YES1: variants seen among roughly 807,000 people sequenced by gnomAD.
The protein encoded by YES1 is YES proto-oncogene 1, Src family tyrosine kinase, also known as tyrosine-protein kinase Yes.
Under a neutral mutation model 70.4 loss-of-function variants are expected in YES1, and 39 were observed. The observed-to-expected ratio is 0.55, with a 90% CI of 0.43 to 0.72. The LOEUF is 0.72. YES1 is among the 30% of genes least tolerant of loss of function. The pLI is 0.00. For missense variants in YES1, 495 were observed against 644.8 expected (o/e 0.77, Z 2.52); for synonymous variants, 198 against 218.6 (o/e 0.91, Z 0.83).
At position 724,467 on chromosome 18, in the gene YES1, A is replaced by T. The variant is rs757867014; in HGVS notation, c.1589T>A (p.Phe530Tyr). The change falls in exon 12 of 12, where the codon TTC becomes TAC. Residue 530 changes from phenylalanine (F) to tyrosine (Y), a missense_variant. This residue lies in a region of YES1 where 385 missense variants were observed against 540.9 expected (regional missense o/e 0.71). Transcript: ENST00000314574. ...EYIQSFLEDYFTATEPQYQPG... is the reference protein window; with the variant it reads ...EYIQSFLEDYYTATEPQYQPG... Reference sequence around the variant, plus strand: ...CTGGTACTGTGGCTCTGTAGCAGTGAAGTAGTCTTCCAAGAAGGACTGAAT... The same window carrying T: ...CTGGTACTGTGGCTCTGTAGCAGTGTAGTAGTCTTCCAAGAAGGACTGAAT... 1 of 1,614,210 alleles carries T rather than the reference A, an allele frequency of 6.2e-7. No homozygotes were observed. The highest frequency in any genetic ancestry group is 8.5e-7 in the Non-Finnish European group (1 of 1,180,040).
chr18:745,926 A>C, intron 5 of YES1, 22 bp downstream of exon 5: 1 of 1,600,534 alleles, frequency 6.2e-7, no homozygotes, highest in Non-Finnish European at 8.5e-7. Context: ...TTATACTTAT[A>C]CTAATATAAC....
chr18:784,459 A>T (rs1478361344), intron 1 of YES1, among the ~76,000 whole-genome samples: 1 of 152,234 alleles, frequency 6.6e-6, no homozygotes, highest in African/African-American at 2.4e-5. Flanking sequence ...CTCAGTGTCT[A>T]TTAATTATTG....
At position 801,071 on chromosome 18, in the gene YES1, AGGAGGT is replaced by A. The variant is rs375013403; in HGVS notation, c.-9+11037_-9+11042del. Among the ~76,000 whole-genome samples, 191 of 152,202 alleles carry A rather than the reference AGGAGGT, an allele frequency of 1.3e-3. 1 individual carries two copies. The highest frequency in any genetic ancestry group is 4.0e-3 in the African/African-American group (165 of 41,544). ...TGAGGCAGGAGAATCGCTTGAACCA[AGGAGGT>A]GGAGGTTGCAGTGAGCTGAGATCAC... On this transcript the variant is annotated intron_variant, in intron 1 of 11. Transcript: ENST00000314574.
At chr18:807,255 A>G (rs1907144736) in intron 1 of YES1, among the ~76,000 whole-genome samples, 1 of 151,568 alleles carries the variant, frequency 6.6e-6, no homozygotes, top group Admixed American at 6.6e-5. Context: ...AATCACTTGA[A>G]CCTGGGAGGC....
intron 1 of YES1, among the ~76,000 whole-genome samples, chr18:803,936 G>T (rs1232414262): frequency 6.6e-6 from 1 of 152,154 alleles, no homozygotes; most frequent in Non-Finnish European, 1.5e-5. Flanking sequence ...AGGCCAAAAG[G>T]CTTATGTTAC....
intron 11 of YES1, among the ~76,000 whole-genome samples, chr18:729,592 TCA>T (rs1491398928): frequency 1.3e-5 from 2 of 150,766 alleles, no homozygotes; most frequent in African/African-American, 4.9e-5. Flanking sequence ...TTGGATTATC[TCA>T]GAGTCTGCTC....
chr18:806,724 G>A (rs1410411680), intron 1 of YES1, among the ~76,000 whole-genome samples: 1 of 152,226 alleles, frequency 6.6e-6, no homozygotes, highest in African/African-American at 2.4e-5. Context: ...TAAGTGTTTT[G>A]TGGGAGCACA....
At chr18:753,346 A>T (rs898589477) in intron 2 of YES1, among the ~76,000 whole-genome samples, 4 of 152,158 alleles carry the variant, frequency 2.6e-5, no homozygotes, top group Non-Finnish European at 5.9e-5. Flanking sequence ...AATACAATAT[A>T]TTGTTATTAA....
At chr18:768,165 G>C (rs1426015198) in intron 1 of YES1, among the ~76,000 whole-genome samples, 2 of 152,200 alleles carry the variant, frequency 1.3e-5, no homozygotes, top group African/African-American at 4.8e-5. Flanking sequence ...AACACACTAA[G>C]TGTGGCAATG....
rs143427877 is a variant in YES1, at chr18:748,749, C to A, written c.372-731G>T. Among the ~76,000 whole-genome samples the A allele has an allele frequency of 4.6e-5, 7 of 152,134 alleles. No individual in the cohort carries two copies. In the East Asian group the frequency reaches 1.3e-3, roughly 29 times the overall value. The stretch of plus-strand genomic sequence containing the variant: ...TCATTCTTTACTGACAAATGCTTTT[C>A]TCTTTATAGTACATAAAATTGTAAT... On this transcript the variant is annotated intron_variant, in intron 3 of 11. Transcript: ENST00000314574.
At chr18:762,130 G>C (rs1904623189) in intron 1 of YES1, among the ~76,000 whole-genome samples, 1 of 152,204 alleles carries the variant, frequency 6.6e-6, no homozygotes, top group Non-Finnish European at 1.5e-5. Flanking sequence ...AGACCAGCCT[G>C]ACCAATGTGG....
intron 2 of YES1, among the ~76,000 whole-genome samples, chr18:753,775 C>G (rs2080372802): frequency 6.6e-6 from 1 of 152,070 alleles, no homozygotes; most frequent in African/African-American, 2.4e-5. Flanking sequence ...TGTGAGCCAC[C>G]CTGCCCGGCT....
chr18:791,455 C>G (rs1440488721), intron 1 of YES1, among the ~76,000 whole-genome samples: 1 of 152,076 alleles, frequency 6.6e-6, no homozygotes, highest in African/African-American at 2.4e-5. Context: ...CAGTTAAGGA[C>G]TATTTTTACT....
At chr18:785,415 A>C (rs562036855) in intron 1 of YES1, among the ~76,000 whole-genome samples, 37 of 152,260 alleles carry the variant, frequency 2.4e-4, no homozygotes, top group Non-Finnish European at 5.1e-4. Context: ...ACTGAGTGTT[A>C]GGGGGGAGAA....
intron 1 of YES1, among the ~76,000 whole-genome samples, chr18:798,449 TGC>T (rs1906652049): frequency 6.6e-6 from 1 of 152,112 alleles, no homozygotes; most frequent in Non-Finnish European, 1.5e-5. Flanking sequence ...TGACTTACAG[TGC>T]ATGCATTAAA....
intron 1 of YES1, among the ~76,000 whole-genome samples, chr18:804,949 T>C (rs1033526465): frequency 2.2e-5 from 3 of 137,226 alleles, no homozygotes; most frequent in African/African-American, 5.6e-5. Flanking sequence ...CCTAGCATAG[T>C]AGTATAAATG....
intron 2 of YES1, among the ~76,000 whole-genome samples, chr18:753,514 T>C (rs1300878561): frequency 6.6e-6 from 1 of 152,024 alleles, no homozygotes; most frequent in Non-Finnish European, 1.5e-5. Context: ...TGAGACGGAG[T>C]CTTGCTCTGT....
At chr18:778,061 T>A (rs1325252675) in intron 1 of YES1, among the ~76,000 whole-genome samples, 1 of 152,208 alleles carries the variant, frequency 6.6e-6, no homozygotes, top group Non-Finnish European at 1.5e-5. Flanking sequence ...GTTATTATTA[T>A]TTAATTTGAT....
intron 1 of YES1, among the ~76,000 whole-genome samples, chr18:806,082 A>G (rs1907082579): frequency 1.3e-5 from 2 of 152,198 alleles, no homozygotes; most frequent in Admixed American, 6.5e-5. Context: ...CTTCACACAC[A>G]TTACTGCAAG....
Sources: allele counts gnomAD v4.1 joint callset (sites outside exome capture counted in the v4.1 genomes callset), GRCh38; gene constraint gnomAD v4.1.1; regional missense constraint gnomAD v4.1.1; transcripts MANE v1.5; gene names NCBI Gene and HGNC (gene_info 2026-07-23, HGNC 2026-07-21).